RPS6KB1: variants seen among roughly 807,000 people sequenced by gnomAD.
RPS6KB1 encodes the protein ribosomal protein S6 kinase B1.
RPS6KB1 carries 12 observed loss-of-function variants against 70.2 expected under a neutral mutation model. The ratio of observed to expected loss-of-function variants is 0.17; its 90% CI spans 0.11 to 0.28. RPS6KB1 has a LOEUF of 0.28. Ranked by LOEUF, RPS6KB1 falls within the 10% of genes least tolerant of loss-of-function variation. RPS6KB1 has a pLI of 1.00. For synonymous variants in RPS6KB1, 175 were observed against 211.2 expected (o/e 0.83, Z 1.49); for missense variants, 270 against 646.6 (o/e 0.42, Z 6.32).
intron 7 of RPS6KB1, among the ~76,000 whole-genome samples, chr17:59,933,843 A>C (rs1050203287): frequency 2.0e-5 from 3 of 152,244 alleles, no homozygotes; most frequent in African/African-American, 7.2e-5. Flanking sequence ...TTCATAAAAC[A>C]GTTTTCCCAG....
At position 59,950,371 on chromosome 17, in the gene RPS6KB1, A is replaced by G. The variant is rs2145103515; in HGVS notation, c.*3583A>G. The G allele has an allele frequency of 6.5e-6, 1 of 152,718 alleles. No homozygotes were observed. The highest frequency in any genetic ancestry group is 2.1e-4 in the South Asian group (1 of 4,832). 9.5% of individuals were successfully genotyped at this position (152,718 alleles called of 1,614,324 possible). On this transcript the variant is annotated 3_prime_UTR_variant, in exon 15 of 15. Coordinates refer to ENST00000225577, the MANE Select transcript of RPS6KB1 (RefSeq NM_003161.4). ...TGTATTTAGTTGACTGTATTATTTG[A>G]TTTCGGATTGAATGAATGTAAATAG...
intron 13 of RPS6KB1, among the ~76,000 whole-genome samples, chr17:59,944,684 T>A (rs918034686): frequency 9.2e-5 from 14 of 152,218 alleles, no homozygotes; most frequent in African/African-American, 3.1e-4. Flanking sequence ...TTGTTTTTAC[T>A]TTGGTCTGAT....
intron 12 of RPS6KB1, among the ~76,000 whole-genome samples, chr17:59,938,184 T>TGGG (rs35225494): frequency 8.2e-4 from 90 of 109,146 alleles, no homozygotes; most frequent in Middle Eastern, 5.1e-3. Context: ...TTTTTTTTTT[T>TGGG]GGGGGGGGGA....
chr17:59,945,698 A>G (rs1271837391), intron 14 of RPS6KB1, among the ~76,000 whole-genome samples, 180 bp downstream of exon 14: 1 of 152,188 alleles, frequency 6.6e-6, no homozygotes. Flanking sequence ...ATGATGTTAT[A>G]TGGTTTACCT....
At chr17:59,920,302 G>T (rs1040459499) in intron 4 of RPS6KB1, among the ~76,000 whole-genome samples, 1 of 152,130 alleles carries the variant, frequency 6.6e-6, no homozygotes, top group Non-Finnish European at 1.5e-5. Flanking sequence ...ACAGGCATGA[G>T]TCACTGCGCC....
At chr17:59,909,227 T>A (rs1458589084) in intron 1 of RPS6KB1, among the ~76,000 whole-genome samples, 1 of 1,232 alleles carries the variant, frequency 8.1e-4, no homozygotes, top group East Asian at 0.038. Context: ...CGCACGTGGC[T>A]TTTTTTTTTT....
intron 1 of RPS6KB1, among the ~76,000 whole-genome samples, chr17:59,901,235 C>T (rs1306172890): frequency 6.0e-5 from 9 of 150,938 alleles, no homozygotes; most frequent in African/African-American, 1.2e-4. Context: ...CTGCAAGCTC[C>T]GCCTCCCAGG....
chr17:59,929,700 AG>A (rs2043829588), intron 5 of RPS6KB1, among the ~76,000 whole-genome samples: 2 of 152,202 alleles, frequency 1.3e-5, no homozygotes, highest in Non-Finnish European at 2.9e-5. Flanking sequence ...TGTTTATTTA[AG>A]GGTTCTGAAA....
chr17:59,934,591 T>C lies in RPS6KB1; in HGVS notation c.870+67T>C. 8.4e-7 allele frequency: 1 copy of C among 1,187,804 alleles called. No individual in the cohort carries two copies. The highest frequency in any genetic ancestry group is 2.3e-5 in the East Asian group (1 of 42,812). 73.6% of individuals were successfully genotyped at this position (1,187,804 alleles called of 1,614,324 possible). A position where few individuals can be genotyped will look rare whatever the true frequency, so the allele number is the denominator to read the frequency against. ...CTGAGTCACTATAGCAAGAGACCTGTCCTGTGCTTTCTGAACATGTTACCA... is the reference window on the plus strand; with the variant it reads ...CTGAGTCACTATAGCAAGAGACCTGCCCTGTGCTTTCTGAACATGTTACCA... On this transcript the variant is annotated intron_variant, in intron 9 of 14. Transcript: ENST00000225577. The surrounding 1 kb of genome is among the most constrained non-coding windows in gnomAD (Gnocchi z 4.8).
chr17:59,906,574 C>T (rs1172056452), intron 1 of RPS6KB1, among the ~76,000 whole-genome samples: 1 of 152,140 alleles, frequency 6.6e-6, no homozygotes, highest in African/African-American at 2.4e-5. Context: ...ATTGGCCAGG[C>T]TGGTCTTGAA....
intron 1 of RPS6KB1, among the ~76,000 whole-genome samples, chr17:59,901,020 G>A (rs1213408731): frequency 6.6e-6 from 1 of 151,698 alleles, no homozygotes; most frequent in Non-Finnish European, 1.5e-5. Flanking sequence ...AAATACCCAG[G>A]CGTGGTGGTG....
At position 59,893,480 on chromosome 17, in the gene RPS6KB1, C is replaced by T. The variant is rs1398609877; in HGVS notation, c.141+155C>T. Among the ~76,000 whole-genome samples, 2 of 152,218 alleles carry T rather than the reference C, an allele frequency of 1.3e-5. No homozygotes were observed. The highest frequency in any genetic ancestry group is 1.3e-4 in the Admixed American group (2 of 15,278). ...GAGACAGGGGAGCGGGCGGGGCGGT[C>T]ATGGCCCTAGGTGTGAGGCCTCTGC... On this transcript the variant is annotated intron_variant, in intron 1 of 14. Coordinates refer to ENST00000225577, the MANE Select transcript of RPS6KB1 (RefSeq NM_003161.4). The surrounding 1 kb of genome is among the most constrained non-coding windows in gnomAD (Gnocchi z 4.1).
At chr17:59,906,685 TC>T (rs1169761941) in intron 1 of RPS6KB1, among the ~76,000 whole-genome samples, 2 of 151,976 alleles carry the variant, frequency 1.3e-5, no homozygotes, top group African/African-American at 4.8e-5. Flanking sequence ...TTTCTTTCTT[TC>T]TTTACTTTTT....
chr17:59,909,889 GT>G (rs1018365495), intron 1 of RPS6KB1, among the ~76,000 whole-genome samples: 1 of 152,070 alleles, frequency 6.6e-6, no homozygotes, highest in African/African-American at 2.4e-5. Context: ...GCAGGCACCT[GT>G]AATCCCAGCT....
At chr17:59,938,189 G>GGA (rs1568492939) in intron 12 of RPS6KB1, among the ~76,000 whole-genome samples, 1 of 143,242 alleles carries the variant, frequency 7.0e-6, no homozygotes, top group Non-Finnish European at 1.5e-5. Flanking sequence ...TTTTTTGGGG[G>GGA]GGGGATAGGG....
intron 2 of RPS6KB1, among the ~76,000 whole-genome samples, chr17:59,911,268 A>G (rs975879734): frequency 6.6e-6 from 1 of 152,256 alleles, no homozygotes; most frequent in African/African-American, 2.4e-5. Context: ...ACTCTCAAGT[A>G]AAAAGCATTA....
chr17:59,911,451 C>T (rs1030500939), intron 2 of RPS6KB1, among the ~76,000 whole-genome samples: 10 of 151,888 alleles, frequency 6.6e-5, no homozygotes, highest in African/African-American at 2.4e-4. Context: ...ACCTCCACCT[C>T]CTGGGTTCAA....
At chr17:59,939,091 C>T (rs1240235423) in intron 12 of RPS6KB1, among the ~76,000 whole-genome samples, 3 of 152,118 alleles carry the variant, frequency 2.0e-5, no homozygotes, top group Non-Finnish European at 4.4e-5. Flanking sequence ...ATAGTTCATA[C>T]AGTAAAGGCA....
Position 59,928,156 on chromosome 17 carries a change from TCA to T in RPS6KB1, c.529+1591_529+1592del, listed in dbSNP as rs35314641. On this transcript the variant is annotated intron_variant, in intron 5 of 14. Coordinates refer to ENST00000225577, the MANE Select transcript of RPS6KB1 (RefSeq NM_003161.4). ...CTGGGCAACAGAGCAAGACTCAGTCTCACACACACACACACACAAAATAAAAG... is the reference window on the plus strand; with the variant it reads ...CTGGGCAACAGAGCAAGACTCAGTCTCACACACACACACACAAAATAAAAG... Among the ~76,000 whole-genome samples the T allele has an allele frequency of 4.7e-5, 7 of 150,336 alleles. No homozygotes were observed. In the East Asian group the frequency reaches 1.0e-3, roughly 21 times the overall value.
Sources: gnomAD v4.1 joint callset for allele counts (sites outside exome capture counted in the v4.1 genomes callset) on GRCh38, gnomAD v4.1.1 for gene constraint, Gnocchi (gnomAD v3.1) non-coding constraint, MANE v1.5 for transcripts, NCBI Gene and HGNC (gene_info 2026-07-23, HGNC 2026-07-21) for gene names.